The following GPR158 variants were observed in gnomAD, a reference collection of about 807,000 sequenced individuals.
The protein encoded by GPR158 is G protein-coupled receptor 158.
GPR158 carries 30 observed loss-of-function variants against 78.2 expected under a neutral mutation model. That is an observed-to-expected ratio of 0.38 (90% confidence interval 0.29 to 0.52). The LOEUF is 0.52. GPR158 is among the 20% of genes least tolerant of loss of function. GPR158 has a pLI of 0.83. For synonymous variants in GPR158, 581 were observed against 591.1 expected (o/e 0.98, Z 0.25); for missense variants, 1,463 against 1,523.5 (o/e 0.96, Z 0.66).
chr10:25,217,663 T>C (rs772156961), intron 1 of GPR158, among the ~76,000 whole-genome samples: 1 of 151,304 alleles, frequency 6.6e-6, no homozygotes, highest in African/African-American at 2.4e-5. Context: ...ACAAAGGGAG[T>C]CCAACCTATG....
At chr10:25,189,431 A>G (rs1852738308) in intron 1 of GPR158, among the ~76,000 whole-genome samples, 1 of 152,206 alleles carries the variant, frequency 6.6e-6, no homozygotes, top group East Asian at 1.9e-4. Context: ...TGTGGCACAT[A>G]TACACCATGG....
At chr10:25,287,920 T>C (rs935590042) in intron 2 of GPR158, among the ~76,000 whole-genome samples, 3 of 152,084 alleles carry the variant, frequency 2.0e-5, no homozygotes, top group African/African-American at 7.2e-5. Context: ...AATATGAAAA[T>C]GTAGAATATA....
intron 2 of GPR158, among the ~76,000 whole-genome samples, chr10:25,374,105 A>T (rs1244539699): frequency 6.6e-6 from 1 of 151,668 alleles, no homozygotes; most frequent in Non-Finnish European, 1.5e-5. Context: ...AATGTATATT[A>T]TTGGTGCATA....
chr10:25,366,843 T>G (rs1444603710), intron 2 of GPR158, among the ~76,000 whole-genome samples: 1 of 81,192 alleles, frequency 1.2e-5, no homozygotes, highest in Non-Finnish European at 3.5e-5. Flanking sequence ...TTGAAACCTT[T>G]CTATATGTTT....
chr10:25,482,532 G>A (rs1835675444), intron 5 of GPR158, among the ~76,000 whole-genome samples: 1 of 152,112 alleles, frequency 6.6e-6, no homozygotes, highest in African/African-American at 2.4e-5. Context: ...ACTGGAACAA[G>A]GCTTCCTGCT....
chr10:25,308,865 C>T (rs1054404715), intron 2 of GPR158, among the ~76,000 whole-genome samples: 5 of 152,096 alleles, frequency 3.3e-5, no homozygotes, highest in African/African-American at 4.8e-5. Flanking sequence ...TCATCTGTGT[C>T]GTAGCATTTG....
chr10:25,452,984 T>G (rs75662805), intron 4 of GPR158, among the ~76,000 whole-genome samples: 3,136 of 152,328 alleles, frequency 0.021, 36 homozygotes, highest in Middle Eastern at 0.037. Context: ...GCAGTATTTG[T>G]CTTTCTCTGT....
intron 5 of GPR158, among the ~76,000 whole-genome samples, chr10:25,513,775 C>T (rs777936711): frequency 5.9e-5 from 9 of 152,038 alleles, no homozygotes; most frequent in Non-Finnish European, 1.3e-4. Context: ...TCATTTTTGA[C>T]CCAATGATCA....
chr10:25,274,318 A>G (rs1375345566), intron 2 of GPR158, among the ~76,000 whole-genome samples: 3 of 152,240 alleles, frequency 2.0e-5, no homozygotes, highest in Admixed American at 1.3e-4. Context: ...TATATAACAC[A>G]TGAATAATAA....
In GPR158 at chr10:25,589,084, C is replaced by G. The variant is rs761950258; in HGVS notation, c.1831C>G (p.Arg611Gly). 6.2e-7 allele frequency: 1 copy of G among 1,612,016 alleles called. No homozygotes were observed. Among genetic ancestry groups the G allele is most frequent in the Admixed American group, 1.7e-5 (1 of 59,992 alleles). The change falls in exon 8 of 11, where the codon CGC becomes GGC. Residue 611 changes from arginine (R) to glycine (G), a missense_variant. Physicochemically the swap from Arg to Gly is moderately radical, Grantham distance 125. Transcript: ENST00000376351. ...RTVPSAFHEP[R>G]YMAVAVHNEL... is the part of the protein sequence containing the mutation. ...AGTCCCATCGGCATTCCATGAGCCC[C>G]GCTATATGGCTGTTGCAGTTCACAA...
At chr10:25,399,491 G>A (rs1834412811) in intron 3 of GPR158, among the ~76,000 whole-genome samples, 1 of 152,156 alleles carries the variant, frequency 6.6e-6, no homozygotes, top group Non-Finnish European at 1.5e-5. Context: ...GGTCTGAGGT[G>A]GAGCAGTTTC....
At position 25,414,143 on chromosome 10, in the gene GPR158, C is replaced by T. The variant is rs537943832; in HGVS notation, c.1335+1670C>T. On this transcript the variant is annotated intron_variant, in intron 4 of 10. Transcript: ENST00000376351. ...AATTGATTTTGATAATTAATGATTG[C>T]TCTGCTAAATGAGTTGGTAATACAT... Among the ~76,000 whole-genome samples, 195 of 152,218 alleles carry T rather than the reference C, an allele frequency of 1.3e-3. 1 individual carries two copies. Among genetic ancestry groups the T allele is most frequent in the Non-Finnish European group, 2.3e-3 (157 of 67,984 alleles).
At chr10:25,186,003 A>G (rs1276945687) in intron 1 of GPR158, among the ~76,000 whole-genome samples, 1 of 152,204 alleles carries the variant, frequency 6.6e-6, no homozygotes, top group Admixed American at 6.5e-5. Flanking sequence ...ATAAAAGACC[A>G]GAAATTATAA....
chr10:25,538,236 T>C (rs1340200692), intron 5 of GPR158, among the ~76,000 whole-genome samples: 1 of 143,366 alleles, frequency 7.0e-6, no homozygotes, highest in Non-Finnish European at 1.6e-5. Context: ...TGTTGTTGTT[T>C]TGCTTTTTTG....
At chr10:25,577,988 A>G (rs1395641849) in intron 7 of GPR158, among the ~76,000 whole-genome samples, 1 of 152,220 alleles carries the variant, frequency 6.6e-6, no homozygotes, top group Non-Finnish European at 1.5e-5. Flanking sequence ...CATCTGGTGG[A>G]AAGAGTTTTA....
At chr10:25,248,260 G>T (rs1419909389) in intron 2 of GPR158, among the ~76,000 whole-genome samples, 1 of 151,986 alleles carries the variant, frequency 6.6e-6, no homozygotes, top group Non-Finnish European at 1.5e-5. Flanking sequence ...CTCCCATTTT[G>T]TAGGTTGCCT....
chr10:25,395,417 A>T (rs974469769), intron 2 of GPR158, among the ~76,000 whole-genome samples: 2 of 152,016 alleles, frequency 1.3e-5, no homozygotes, highest in African/African-American at 2.4e-5. Flanking sequence ...TGTTATTTTG[A>T]TTGATTCCAG....
chr10:25,283,394 T>C (rs1056563449), intron 2 of GPR158, among the ~76,000 whole-genome samples: 1 of 152,026 alleles, frequency 6.6e-6, no homozygotes, highest in African/African-American at 2.4e-5. Flanking sequence ...TTAGTCACAC[T>C]AGAAATTTAT....
intron 2 of GPR158, among the ~76,000 whole-genome samples, chr10:25,314,053 G>A (rs7911433): frequency 0.2 from 30,818 of 151,982 alleles, 5,273 homozygotes; most frequent in African/African-American, 0.47. Flanking sequence ...TAAATTTTAT[G>A]AGCTGTATTT....
Sources: gnomAD v4.1 joint callset for allele counts (sites outside exome capture counted in the v4.1 genomes callset) on GRCh38, gnomAD v4.1.1 for gene constraint, MANE v1.5 for transcripts, NCBI Gene and HGNC (gene_info 2026-07-23, HGNC 2026-07-21) for gene names.